The following TSHZ2 variants were observed in gnomAD, a reference collection of about 807,000 sequenced individuals.
TSHZ2 encodes the protein teashirt zinc finger homeobox 2, also known as teashirt homolog 2.
Under a neutral mutation model 74.4 loss-of-function variants are expected in TSHZ2, and 21 were observed. That is an observed-to-expected ratio of 0.28 (90% CI 0.20 to 0.41). The LOEUF is 0.41. Ranked by LOEUF, TSHZ2 falls within the 10% of genes least tolerant of loss-of-function variation. The pLI is 1.00. For missense variants in TSHZ2, 1,244 were observed against 1,293.5 expected, an observed-to-expected ratio of 0.96 and a Z score of 0.59; for synonymous variants, 540 against 515.3, an observed-to-expected ratio of 1.05 and a Z score of -0.65.
At chr20:53,081,179 C>T (rs895059124) in intron 1 of TSHZ2, among the ~76,000 whole-genome samples, 13 of 152,084 alleles carry the variant, frequency 8.5e-5, no homozygotes, top group Non-Finnish European at 1.9e-4. Flanking sequence ...CCACACCCAC[C>T]TGTTTTTTTT....
chr20:53,256,944 C>T lies in TSHZ2; in HGVS notation c.*8+373C>T, dbSNP rs1568839670. Among the ~76,000 whole-genome samples the T allele has an allele frequency of 2.0e-5, 3 of 152,144 alleles. No homozygotes were observed. Among genetic ancestry groups the T allele is most frequent in the Admixed American group, 1.3e-4 (2 of 15,272 alleles). On this transcript the variant is annotated intron_variant, in intron 2 of 2. Coordinates refer to ENST00000371497, the MANE Select transcript of TSHZ2 (RefSeq NM_173485.6). This position sits in a 1 kb window ranked among gnomAD's most constrained non-coding sequence, Gnocchi z 4.3. ...TTCTGTCACCATTCCATTTCACCAC[C>T]CCACCTTTCCATAGCAATGCCAATG...
At chr20:53,039,443 C>A (rs1311105311) in intron 1 of TSHZ2, among the ~76,000 whole-genome samples, 1 of 152,062 alleles carries the variant, frequency 6.6e-6, no homozygotes, top group Non-Finnish European at 1.5e-5. Context: ...TATGTGTTAA[C>A]CAAATAAATT....
chr20:53,197,382 GAGA>G (rs1217732058), intron 1 of TSHZ2, among the ~76,000 whole-genome samples: 2 of 152,206 alleles, frequency 1.3e-5, no homozygotes, highest in African/African-American at 4.8e-5. Flanking sequence ...GCGTGCAAAG[GAGA>G]AGACTTTTAA....
intron 2 of TSHZ2, among the ~76,000 whole-genome samples, chr20:53,469,413 G>A (rs1195921831): frequency 2.6e-5 from 4 of 151,752 alleles, no homozygotes; most frequent in Admixed American, 2.0e-4. Flanking sequence ...ACATGGTGGT[G>A]CACGCCTGTA....
At chr20:53,207,399 A>C (rs902652763) in intron 1 of TSHZ2, among the ~76,000 whole-genome samples, 16 of 152,174 alleles carry the variant, frequency 1.1e-4, no homozygotes, top group Non-Finnish European at 1.9e-4. Flanking sequence ...TTCCCTCTCC[A>C]ATCAGGTGTG....
chr20:53,334,848 T>C (rs1979880881), intron 2 of TSHZ2, among the ~76,000 whole-genome samples: 1 of 152,004 alleles, frequency 6.6e-6, no homozygotes, highest in Admixed American at 6.6e-5. Flanking sequence ...CACGCCTGGC[T>C]AATTTTTGTA....
chr20:53,435,480 G>A lies in TSHZ2; in HGVS notation c.*9-51664G>A, dbSNP rs189090404. ...TATGTGAAAAAACAAAATAAGGGAA[G>A]GCATTATAGCATGGTAACAGGGAAC... On this transcript the variant is annotated intron_variant, in intron 2 of 2. Transcript: ENST00000371497. 2.6e-5 allele frequency among the ~76,000 whole-genome samples: 4 copies of A among 152,288 alleles called. No individual in the cohort carries two copies. In the East Asian group the frequency reaches 7.7e-4, roughly 29 times the overall value.
At chr20:53,395,376 G>A (rs955962149) in intron 2 of TSHZ2, among the ~76,000 whole-genome samples, 1 of 152,228 alleles carries the variant, frequency 6.6e-6, no homozygotes, top group Admixed American at 6.5e-5. Flanking sequence ...AAAGGGTTGG[G>A]TGTGTTCAAG....
chr20:53,438,885 A>C (rs1200913337), intron 2 of TSHZ2, among the ~76,000 whole-genome samples: 1 of 152,162 alleles, frequency 6.6e-6, no homozygotes, highest in Non-Finnish European at 1.5e-5. Flanking sequence ...GCTTGACCCC[A>C]GGAGGCGGAG....
intron 2 of TSHZ2, among the ~76,000 whole-genome samples, chr20:53,314,717 G>C (rs1978930343): frequency 1.3e-5 from 2 of 151,280 alleles, no homozygotes; most frequent in African/African-American, 4.9e-5. Flanking sequence ...CCCCTCCCGG[G>C]TTCAAGTTAT....
chr20:53,377,785 C>T (rs1981712949), intron 2 of TSHZ2, among the ~76,000 whole-genome samples: 4 of 152,158 alleles, frequency 2.6e-5, no homozygotes, highest in Admixed American at 6.5e-5. Flanking sequence ...ATCGCTTGAG[C>T]TCAGCAGGTC....
At chr20:53,233,860 C>G (rs182342480) in intron 1 of TSHZ2, among the ~76,000 whole-genome samples, 1 of 152,236 alleles carries the variant, frequency 6.6e-6, no homozygotes, top group African/African-American at 2.4e-5. Context: ...CTCATAGGAC[C>G]AGAGACATGG....
chr20:53,157,554 G>A (rs759373039), intron 1 of TSHZ2, among the ~76,000 whole-genome samples: 9 of 151,978 alleles, frequency 5.9e-5, no homozygotes, highest in East Asian at 1.9e-4. Flanking sequence ...CTACAGGTGC[G>A]CACTACCATG....
chr20:53,155,944 G>A (rs1161394007), intron 1 of TSHZ2, among the ~76,000 whole-genome samples: 1 of 152,064 alleles, frequency 6.6e-6, no homozygotes. Context: ...ACTTTAATTA[G>A]GTATTGGCTA....
At chr20:53,033,438 G>A (rs369149385) in intron 1 of TSHZ2, among the ~76,000 whole-genome samples, 2 of 152,066 alleles carry the variant, frequency 1.3e-5, no homozygotes, top group African/African-American at 4.8e-5. Flanking sequence ...GACTACCTAT[G>A]TAAGCAAGTC....
At chr20:53,266,018 T>C (rs889240833) in intron 2 of TSHZ2, among the ~76,000 whole-genome samples, 2 of 152,194 alleles carry the variant, frequency 1.3e-5, no homozygotes, top group Admixed American at 6.5e-5. Context: ...AGTCTGACCC[T>C]CCACTTTAGA....
At chr20:53,221,093 A>AT (rs1989544067) in intron 1 of TSHZ2, among the ~76,000 whole-genome samples, 1 of 152,218 alleles carries the variant, frequency 6.6e-6, no homozygotes, top group Admixed American at 6.5e-5. Context: ...GTGGTAGTGA[A>AT]TAAGTCTCAT....
chr20:53,165,172 C>G (rs1412853478), intron 1 of TSHZ2, among the ~76,000 whole-genome samples: 1 of 152,106 alleles, frequency 6.6e-6, no homozygotes, highest in Non-Finnish European at 1.5e-5. Flanking sequence ...ACAGCTAACA[C>G]TCATAGTGTG....
intron 1 of TSHZ2, among the ~76,000 whole-genome samples, chr20:53,005,569 G>T (rs149661230): frequency 4.3e-4 from 66 of 152,248 alleles, no homozygotes; most frequent in African/African-American, 1.6e-3. Flanking sequence ...TGCATGCAGC[G>T]TGTCCTGTGT....
Sources: allele counts gnomAD v4.1 joint callset (sites outside exome capture counted in the v4.1 genomes callset), GRCh38; gene constraint gnomAD v4.1.1; non-coding constraint Gnocchi (gnomAD v3.1); transcripts MANE v1.5; gene names NCBI Gene and HGNC (gene_info 2026-07-23, HGNC 2026-07-21).